CEP63: variants seen among roughly 807,000 people sequenced by gnomAD.
CEP63 encodes centrosomal protein of 63 kDa.
In CEP63, 84 loss-of-function variants were observed where a neutral mutation model predicts 89.1. The observed-to-expected ratio is 0.94, with a 90% CI of 0.79 to 1.13. The LOEUF is 1.13. CEP63 is among the 50% of genes most tolerant of loss of function. CEP63 has a pLI of 0.00. For missense variants in CEP63, 838 were observed against 813.3 expected (o/e 1.03, Z -0.37); for synonymous variants, 267 against 272.5 (o/e 0.98, Z 0.20).
chr3:134,549,978 CT>C lies in CEP63; in HGVS notation c.1183-81del. On this transcript the variant is annotated intron_variant, in intron 10 of 14. Coordinates refer to ENST00000675561, the MANE Select transcript of CEP63 (RefSeq NM_001353108.3). Reference sequence around the variant, plus strand: ...ATTTAATGTCTTGAGATAAGGTGAACTTTTATTTTATTAGCTAGTAACATAT... The same window carrying C: ...ATTTAATGTCTTGAGATAAGGTGAACTTTATTTTATTAGCTAGTAACATAT... 3.0e-6 allele frequency: 3 copies of C among 986,622 alleles called. 1 individual carries two copies. The South Asian group carries it at 4.3e-5, about 14-fold the overall frequency. The allele number at this position is 986,622 out of a possible 1,614,324, so 61.1% of individuals were successfully genotyped here. A position where few individuals can be genotyped will look rare whatever the true frequency, so the allele number is the denominator to read the frequency against.
At chr3:134,659,234 C>T in the CEP63 span, among the ~76,000 whole-genome samples, 1,927 of 152,242 alleles carry the variant, frequency 0.013, 27 homozygotes, top group Non-Finnish European at 0.016. Flanking sequence ...GAGAGATTAC[C>T]TCTTTAACCT....
chr3:134,560,209 C>T (rs1187748841), intron 14 of CEP63, among the ~76,000 whole-genome samples: 1 of 152,316 alleles, frequency 6.6e-6, no homozygotes, highest in Non-Finnish European at 1.5e-5. Context: ...CTCTATTCCA[C>T]TTAGTGTGAG....
the CEP63 span, among the ~76,000 whole-genome samples, chr3:134,655,190 C>T: frequency 6.6e-6 from 1 of 151,978 alleles, no homozygotes; most frequent in Non-Finnish European, 1.5e-5. Flanking sequence ...CCTGCTGGGT[C>T]CTGCTCTGGG....
chr3:134,613,842 C>T, the CEP63 span, among the ~76,000 whole-genome samples: 3 of 152,124 alleles, frequency 2.0e-5, no homozygotes, highest in Non-Finnish European at 4.4e-5. Context: ...ATTGTGGAAC[C>T]CACAGGAGTT....
the CEP63 span, among the ~76,000 whole-genome samples, chr3:134,777,596 T>C: frequency 6.8e-6 from 1 of 146,142 alleles, no homozygotes; most frequent in Non-Finnish European, 1.5e-5. Flanking sequence ...CTTCAACCTT[T>C]GAAAGAATAG....
the CEP63 span, among the ~76,000 whole-genome samples, chr3:134,646,152 G>T: frequency 2.0e-5 from 3 of 152,148 alleles, no homozygotes; most frequent in Non-Finnish European, 4.4e-5. Flanking sequence ...CAGGTCTCTG[G>T]GGGTCTGATT....
At chr3:134,729,920 T>G in the CEP63 span, among the ~76,000 whole-genome samples, 2 of 152,138 alleles carry the variant, frequency 1.3e-5, no homozygotes, top group Non-Finnish European at 2.9e-5. Context: ...AGTGCCCTCA[T>G]TCCCTAGATT....
intron 11 of CEP63, among the ~76,000 whole-genome samples, chr3:134,571,063 C>T (rs974250813): frequency 6.6e-6 from 1 of 152,256 alleles, no homozygotes; most frequent in Admixed American, 6.5e-5. Context: ...CTGGGTCCCT[C>T]CCACAACGTG....
chr3:134,718,839 C>T, the CEP63 span, among the ~76,000 whole-genome samples: 14 of 152,358 alleles, frequency 9.2e-5, no homozygotes, highest in Admixed American at 2.6e-4. Context: ...ACTTTCCTCG[C>T]TGGGATGGAC....
the CEP63 span, among the ~76,000 whole-genome samples, chr3:134,605,967 A>G: frequency 1.3e-5 from 2 of 152,102 alleles, no homozygotes; most frequent in East Asian, 1.9e-4. Flanking sequence ...ATTTGTCTAC[A>G]TGCTTTCTCT....
chr3:134,568,610 G>A (rs978340332), downstream of CEP63, among the ~76,000 whole-genome samples: 7 of 152,206 alleles, frequency 4.6e-5, no homozygotes, highest in Non-Finnish European at 1.0e-4. Flanking sequence ...AAAGGTTCCA[G>A]ATTGGTGATA....
the CEP63 span, chr3:134,643,212 G>A: frequency 5.6e-6 from 6 of 1,074,044 alleles, no homozygotes; most frequent in African/African-American, 1.6e-5. Context: ...AGAGGACCCT[G>A]CTCCCCATAG....
the CEP63 span, among the ~76,000 whole-genome samples, chr3:134,631,200 G>A: frequency 6.6e-6 from 1 of 152,128 alleles, no homozygotes; most frequent in African/African-American, 2.4e-5. Context: ...CTGAAATCTG[G>A]CAAAAGACAT....
intron 3 of CEP63, chr3:134,510,864 A>G (rs1944703005): frequency 4.4e-6 from 1 of 226,288 alleles, no homozygotes; most frequent in South Asian, 6.3e-5. Context: ...CTTCAAGGAG[A>G]GCAGCAGACT....
chr3:134,606,951 C>T, the CEP63 span: 2 of 985,224 alleles, frequency 2.0e-6, no homozygotes, highest in African/African-American at 3.5e-5. Flanking sequence ...CTTCCCCTCC[C>T]CTCTCTTAAC....
the CEP63 span, among the ~76,000 whole-genome samples, chr3:134,710,923 T>C: frequency 3.3e-5 from 5 of 152,030 alleles, no homozygotes; most frequent in Non-Finnish European, 7.4e-5. Flanking sequence ...GGTTTCACCA[T>C]GTTGGCCAGG....
At chr3:134,490,468 A>G (rs978232419) in intron 1 of CEP63, among the ~76,000 whole-genome samples, 1 of 152,108 alleles carries the variant, frequency 6.6e-6, no homozygotes, top group Non-Finnish European at 1.5e-5. Context: ...ATATGTCTCT[A>G]GGAAAGTGTA....
chr3:134,672,787 C>T, the CEP63 span, among the ~76,000 whole-genome samples: 55 of 152,196 alleles, frequency 3.6e-4, no homozygotes, highest in African/African-American at 1.1e-3. Flanking sequence ...GTGTTGGATA[C>T]CTGGCCCCTT....
At chr3:134,611,688 G>A in the CEP63 span, among the ~76,000 whole-genome samples, 2 of 152,236 alleles carry the variant, frequency 1.3e-5, no homozygotes, top group African/African-American at 4.8e-5. Context: ...ACCCTGTGCT[G>A]TACTCAGCTG....
Sources: allele counts gnomAD v4.1 joint callset (sites outside exome capture counted in the v4.1 genomes callset), GRCh38; gene constraint gnomAD v4.1.1; transcripts MANE v1.5; gene names NCBI Gene and HGNC (gene_info 2026-07-23, HGNC 2026-07-21).